The following USP24 variants were observed in gnomAD, a reference collection of about 807,000 sequenced individuals.
USP24 encodes ubiquitin carboxyl-terminal hydrolase 24.
A neutral mutation model predicts 361.6 loss-of-function variants in USP24; 97 were observed. That is an observed-to-expected ratio of 0.27 (90% CI 0.23 to 0.32). The LOEUF (loss-of-function observed/expected upper bound fraction) is 0.32, where lower values mean the gene tolerates loss of function less well. Ranked by LOEUF, USP24 falls within the 10% of genes least tolerant of loss-of-function variation. The pLI is 1.00. For synonymous variants in USP24, 1,098 were observed against 1,124.6 expected (o/e 0.98, Z 0.47); for missense variants, 2,353 against 3,165.6 (o/e 0.74, Z 6.16).
At chr1:55,143,410 C>G (rs1646943566) in intron 21 of USP24, among the ~76,000 whole-genome samples, 1 of 152,190 alleles carries the variant, frequency 6.6e-6, no homozygotes, top group Admixed American at 6.5e-5. Context: ...GCTACTGAAG[C>G]AGAAATAGAG....
intron 30 of USP24, among the ~76,000 whole-genome samples, chr1:55,133,381 G>A (rs912452389): frequency 2.0e-5 from 3 of 152,050 alleles, no homozygotes; most frequent in Non-Finnish European, 2.9e-5. Flanking sequence ...CATACGCAAT[G>A]ATCAGATTCA....
At chr1:55,183,677 A>C (rs1344344013) in intron 1 of USP24, among the ~76,000 whole-genome samples, 1 of 152,316 alleles carries the variant, frequency 6.6e-6, no homozygotes, top group Non-Finnish European at 1.5e-5. Context: ...AATTACATTA[A>C]ATGCAAATGG....
intron 16 of USP24, 51 bp downstream of exon 16, chr1:55,153,819 A>C: frequency 6.8e-7 from 1 of 1,464,836 alleles, no homozygotes; most frequent in Non-Finnish European, 9.3e-7. Flanking sequence ...TTATTAAAGG[A>C]AATTATTAAA....
intron 67 of USP24, chr1:55,071,100 T>G: frequency 1.0e-6 from 1 of 975,560 alleles, no homozygotes; most frequent in Non-Finnish European, 1.2e-6. Flanking sequence ...ATAGTGCTTA[T>G]GAGGATCCGA....
Position 55,157,312 on chromosome 1 carries a change from G to T in USP24, c.1286C>A (p.Thr429Lys). 1 of 1,603,464 alleles carries T rather than the reference G, an allele frequency of 6.2e-7. No homozygotes were observed. Among genetic ancestry groups the T allele is most frequent in the Non-Finnish European group, 8.5e-7 (1 of 1,177,170 alleles). Residue 429 changes from threonine to lysine, a missense_variant, in exon 11 of 68, where the codon ACA becomes AAA. Coordinates refer to ENST00000294383, the MANE Select transcript of USP24 (RefSeq NM_015306.3). Reference protein sequence around the residue: ...LSKSVKNAIDTDRLLDWLVEN... With the variant: ...LSKSVKNAIDKDRLLDWLVEN... ...AACTAGCCAATCTAATAATCTGTCTGTATCTATAGCATTCTTCACAGATTT... is the reference window on the plus strand; with the variant it reads ...AACTAGCCAATCTAATAATCTGTCTTTATCTATAGCATTCTTCACAGATTT...
chr1:55,200,207 T>C (rs951328678), intron 1 of USP24, among the ~76,000 whole-genome samples: 30 of 152,368 alleles, frequency 2.0e-4, no homozygotes, highest in Middle Eastern at 3.4e-3. Context: ...CAGTTTAAAT[T>C]TGTAGCAGAC....
At chr1:55,123,351 C>T in intron 36 of USP24, 96 bp downstream of exon 36, 1 of 1,352,298 alleles carries the variant, frequency 7.4e-7, no homozygotes, top group Non-Finnish European at 9.8e-7. Flanking sequence ...TCATTTTGAC[C>T]AATGGGACCT....
intron 16 of USP24, chr1:55,152,029 C>T (rs1647209976): frequency 3.1e-6 from 3 of 979,246 alleles, no homozygotes. Flanking sequence ...GTAAATAATT[C>T]ACCCCCCTGC....
At chr1:55,142,692 G>C in intron 23 of USP24, 50 bp downstream of exon 23, 1 of 1,236,736 alleles carries the variant, frequency 8.1e-7, no homozygotes, top group South Asian at 1.5e-5. Flanking sequence ...AATTATGAAA[G>C]AAAAAAAGCA....
In USP24 at chr1:55,165,944, C is replaced by T. The variant is rs745634131; in HGVS notation, c.868G>A (p.Glu290Lys). The T allele has an allele frequency of 6.2e-7, 1 of 1,606,232 alleles. No individual in the cohort carries two copies. The highest frequency in any genetic ancestry group is 2.2e-5 in the East Asian group (1 of 44,618). Residue 290 changes from glutamate (E) to lysine (K), a missense_variant, in exon 7 of 68, where the codon GAA (glutamate) becomes AAA (lysine). Physicochemically the swap from Glu to Lys is moderately conservative, Grantham distance 56. Around this residue, in one of 8 missense-constraint regions of USP24, gnomAD observed 386 missense variants for 560.5 expected, o/e 0.69. Transcript: ENST00000294383. ...TGGATTGCTGCAAATCCACCTAATT[C>T]TCCAAACTGAGAAGAAAAAAGGCAC... ...WVVDLVNKFG[E>K]LGGFAAIQAK... is the part of the protein sequence containing the mutation.
Position 55,068,805 on chromosome 1 carries a change from T to C in USP24, c.*240A>G. The C allele has an allele frequency of 3.7e-6, 2 of 540,712 alleles. No homozygotes were observed. The highest frequency in any genetic ancestry group is 5.3e-5 in the South Asian group (2 of 37,824). 33.5% of individuals were successfully genotyped at this position (540,712 alleles called of 1,614,324 possible). A position where few individuals can be genotyped will look rare whatever the true frequency, so the allele number is the denominator to read the frequency against. On this transcript the variant is annotated 3_prime_UTR_variant, in exon 68 of 68. Coordinates refer to ENST00000294383, the MANE Select transcript of USP24 (RefSeq NM_015306.3). Reference sequence around the variant, plus strand: ...ATCTCCACAGAAATGTGAATCCACATATAGACCACGCTCCCGGGACAGCTG... The same window carrying C: ...ATCTCCACAGAAATGTGAATCCACACATAGACCACGCTCCCGGGACAGCTG...
At chr1:55,127,910 C>T (rs1057039005) in intron 32 of USP24, among the ~76,000 whole-genome samples, 1 of 152,130 alleles carries the variant, frequency 6.6e-6, no homozygotes, top group Admixed American at 6.5e-5. Flanking sequence ...TACCTTCCTG[C>T]CTTACACTTG....
chr1:55,105,792 G>A (rs1645754278), intron 41 of USP24, among the ~76,000 whole-genome samples: 2 of 152,128 alleles, frequency 1.3e-5, no homozygotes, highest in Admixed American at 6.5e-5. Context: ...AGCACCTATC[G>A]TTTTCTCCTG....
At chr1:55,101,469 T>C (rs899123617) in intron 43 of USP24, 115 bp downstream of exon 43, 10 of 1,405,414 alleles carry the variant, frequency 7.1e-6, no homozygotes, top group South Asian at 2.7e-5. Flanking sequence ...TACTAAAGAA[T>C]TGCAAGTTAT....
chr1:55,146,175 T>G (rs996201786), intron 19 of USP24, 66 bp from the exon 20 acceptor site: 2 of 1,164,920 alleles, frequency 1.7e-6, no homozygotes, highest in Non-Finnish European at 1.3e-6. Flanking sequence ...TATTCCAAAC[T>G]GGAAAAGTAA....
chr1:55,131,419 C>T (rs1646588328), intron 31 of USP24, among the ~76,000 whole-genome samples: 1 of 152,164 alleles, frequency 6.6e-6, no homozygotes, highest in East Asian at 1.9e-4. Context: ...TTCTTAAACA[C>T]AAGGATGACT....
intron 1 of USP24, among the ~76,000 whole-genome samples, chr1:55,192,852 T>C (rs1399954760): frequency 6.6e-6 from 1 of 152,220 alleles, no homozygotes; most frequent in Non-Finnish European, 1.5e-5. Context: ...TTTCCTGGAA[T>C]GCATCTTCAT....
At chr1:55,121,786 CA>C (rs1557593223) in intron 36 of USP24, among the ~76,000 whole-genome samples, 1 of 152,182 alleles carries the variant, frequency 6.6e-6, no homozygotes, top group East Asian at 1.9e-4. Context: ...GATAAACTAT[CA>C]ATAGTTGCAA....
At chr1:55,195,657 C>G (rs1489841788) in intron 1 of USP24, among the ~76,000 whole-genome samples, 4 of 152,074 alleles carry the variant, frequency 2.6e-5, no homozygotes, top group Non-Finnish European at 4.4e-5. Flanking sequence ...CATGAACAAG[C>G]CTTGAGGACA....
Sources: allele counts gnomAD v4.1 joint callset (sites outside exome capture counted in the v4.1 genomes callset), GRCh38; gene constraint gnomAD v4.1.1; regional missense constraint gnomAD v4.1.1; transcripts MANE v1.5; gene names NCBI Gene and HGNC (gene_info 2026-07-23, HGNC 2026-07-21).